ZNF660: variants seen among roughly 807,000 people sequenced by gnomAD.
ZNF660 encodes zinc finger protein 660.
In ZNF660, 24 loss-of-function variants were observed where a neutral mutation model predicts 23.2. The observed-to-expected ratio is 1.04, with a 90% confidence interval of 0.75 to 1.46. The LOEUF is 1.46. ZNF660 is among the 40% of genes most tolerant of loss of function. ZNF660 has a pLI of 0.00. For missense variants in ZNF660, 373 were observed against 396.8 expected (o/e 0.94, Z 0.51); for synonymous variants, 117 against 131.4 (o/e 0.89, Z 0.75).
chr3:44,588,050 C>T (rs544706682), intron 2 of ZNF660, among the ~76,000 whole-genome samples: 16 of 152,006 alleles, frequency 1.1e-4, no homozygotes, highest in Middle Eastern at 3.4e-3. Context: ...AGCGAAACTT[C>T]GTCTCAGAAA....
chr3:44,586,922 T>TAC (rs1271456487), intron 2 of ZNF660, among the ~76,000 whole-genome samples: 1 of 152,218 alleles, frequency 6.6e-6, no homozygotes, highest in Non-Finnish European at 1.5e-5. Context: ...GACACAGACA[T>TAC]ACACACAAGC....
chr3:44,588,896 A>G (rs1700323333), intron 2 of ZNF660, among the ~76,000 whole-genome samples: 1 of 152,198 alleles, frequency 6.6e-6, no homozygotes, highest in Admixed American at 6.5e-5. Flanking sequence ...CATCTTGCTT[A>G]GTGACACTAC....
Position 44,595,570 on chromosome 3 carries a change from A to G in ZNF660, c.*381A>G. On this transcript the variant is annotated 3_prime_UTR_variant, in exon 3 of 3. Coordinates refer to ENST00000322734, the MANE Select transcript of ZNF660 (RefSeq NM_173658.4). ...GAGAAGGAAGTAAACCAAAATGTTA[A>G]CAGTGATCATCTCTGGGCGATAGGA... 5.5e-6 allele frequency: 1 copy of G among 180,352 alleles called. No homozygotes were observed. Among genetic ancestry groups the G allele is most frequent in the Non-Finnish European group, 1.3e-5 (1 of 75,822 alleles). 11.2% of individuals were successfully genotyped at this position (180,352 alleles called of 1,614,324 possible).
rs748896817 is a variant in ZNF660 at position 44,594,319 on chromosome 3, A to C, written c.126A>C (p.Arg42Ser). 1.2e-6 allele frequency: 2 copies of C among 1,614,222 alleles called. No individual in the cohort carries two copies. Among genetic ancestry groups the C allele is most frequent in the South Asian group, 2.2e-5 (2 of 91,092 alleles). Reference sequence around the variant, plus strand: ...GCTGTGACCCTGCAACAAATGAGAGAGTTCAGGCTGAAAAGAGACAGTATG... The same window carrying C: ...GCTGTGACCCTGCAACAAATGAGAGCGTTCAGGCTGAAAAGAGACAGTATG... ...SQCCDPATNE[R>S]VQAEKRQYVC... is the part of the protein sequence containing the mutation. Residue 42 changes from arginine to serine, a missense_variant, in exon 3 of 3, where the codon AGA becomes AGC. Physicochemically the swap from Arg to Ser is moderately radical, Grantham distance 110. Coordinates refer to ENST00000322734, the MANE Select transcript of ZNF660 (RefSeq NM_173658.4).
chr3:44,594,833 G>A lies in ZNF660; in HGVS notation c.640G>A (p.Gly214Arg), dbSNP rs939940217. The A allele has an allele frequency of 6.2e-7, 1 of 1,614,160 alleles. No individual in the cohort carries two copies. The highest frequency in any genetic ancestry group is 8.5e-7 in the Non-Finnish European group (1 of 1,180,036). ...KIMDHQRIHT[G>R]EKPYECDECG... is the part of the protein sequence containing the mutation. ...TATGGACCATCAGAGAATTCACACT[G>A]GAGAGAAGCCTTATGAATGTGATGA... is the stretch of plus-strand genomic sequence containing the variant. Residue 214 changes from glycine to arginine, a missense_variant, in exon 3 of 3, where the codon GGA becomes AGA. Transcript: ENST00000322734.
chr3:44,596,868 GTCC>G lies in ZNF660; in HGVS notation c.*1684_*1686del, dbSNP rs1339853808. On this transcript the variant is annotated 3_prime_UTR_variant, in exon 3 of 3. Coordinates refer to ENST00000322734, the MANE Select transcript of ZNF660 (RefSeq NM_173658.4). ...CTTCCTCTGCCTTTCTTTATGACCA[GTCC>G]TCCTTGAAGGTCTTAGCCCATCTTC... is the stretch of plus-strand genomic sequence containing the variant. 1 of 152,180 alleles carries G rather than the reference GTCC, an allele frequency of 6.6e-6. No individual in the cohort carries two copies. Among genetic ancestry groups the G allele is most frequent in the Non-Finnish European group, 1.5e-5 (1 of 68,040 alleles). The allele number at this position is 152,180 out of a possible 1,614,324, so 9.4% of individuals were successfully genotyped here. A position where few individuals can be genotyped will look rare whatever the true frequency, so the allele number is the denominator to read the frequency against.
chr3:44,594,283 C>A lies in ZNF660; in HGVS notation c.90C>A (p.Asp30Glu). The change falls in exon 3 of 3, where the codon GAC (aspartate) becomes GAA (glutamate). Residue 30 changes from aspartate (D) to glutamate (E), a missense_variant. Coordinates refer to ENST00000322734, the MANE Select transcript of ZNF660 (RefSeq NM_173658.4). Reference protein sequence around the residue: ...TEGSDQESEKDNSQCCDPATN... With the variant: ...TEGSDQESEKENSQCCDPATN... ...GGAGTGACCAAGAATCTGAAAAAGACAATAGTCAGTGCTGTGACCCTGCAA... is the reference window on the plus strand; with the variant it reads ...GGAGTGACCAAGAATCTGAAAAAGAAAATAGTCAGTGCTGTGACCCTGCAA... The A allele has an allele frequency of 1.9e-6, 3 of 1,614,010 alleles. No individual in the cohort carries two copies. Among genetic ancestry groups the A allele is most frequent in the Non-Finnish European group, 2.5e-6 (3 of 1,180,020 alleles).
At chr3:44,591,199 G>A (rs181746148) in intron 2 of ZNF660, among the ~76,000 whole-genome samples, 16 of 152,260 alleles carry the variant, frequency 1.1e-4, no homozygotes, top group Admixed American at 9.8e-4. Flanking sequence ...CATAATCAGG[G>A]CTCACTGCAG....
rs187679990 is a variant in ZNF660, at chr3:44,588,377, G to A, written c.-181+2164G>A. Among the ~76,000 whole-genome samples the A allele has an allele frequency of 5.9e-5, 9 of 152,188 alleles. No individual in the cohort carries two copies. In the East Asian group the frequency reaches 1.7e-3, roughly 29 times the overall value. On this transcript the variant is annotated intron_variant, in intron 2 of 2. Transcript: ENST00000322734. ...CCATTCATGAGAAATCTACCCCCAC[G>A]ATCCAGTCACCTCCCAACAGGCCCA... is the stretch of plus-strand genomic sequence containing the variant.
rs1331025754 is a variant in ZNF660, at chr3:44,597,563, T to G, written c.*2374T>G. 3.3e-5 allele frequency: 5 copies of G among 152,202 alleles called. No homozygotes were observed. Among genetic ancestry groups the G allele is most frequent in the African/African-American group, 1.2e-4 (5 of 41,434 alleles). The allele number at this position is 152,202 out of a possible 1,614,324, so 9.4% of individuals were successfully genotyped here. ...TTGCATGGTCATTCCAAGCAGGGTT[T>G]GGAAGGCCTGGAACAGATTTGTAGC... is the stretch of plus-strand genomic sequence containing the variant. On this transcript the variant is annotated 3_prime_UTR_variant, in exon 3 of 3. Coordinates refer to ENST00000322734, the MANE Select transcript of ZNF660 (RefSeq NM_173658.4). This position sits in a 1 kb window ranked among gnomAD's most constrained non-coding sequence, Gnocchi z 4.1.
At chr3:44,589,952 C>G (rs1700358515) in intron 2 of ZNF660, among the ~76,000 whole-genome samples, 1 of 147,554 alleles carries the variant, frequency 6.8e-6, no homozygotes, top group Non-Finnish European at 1.5e-5. Context: ...GTATACCAAC[C>G]CTGTGCCTTT....
At position 44,594,080 on chromosome 3, in the gene ZNF660, A is replaced by T. The variant is rs1027821939; in HGVS notation, c.-114A>T. The T allele has an allele frequency of 2.3e-6, 3 of 1,300,804 alleles. No homozygotes were observed. Among genetic ancestry groups the T allele is most frequent in the East Asian group, 4.8e-5 (2 of 41,440 alleles). The allele number at this position is 1,300,804 out of a possible 1,614,324, so 80.6% of individuals were successfully genotyped here. A position where few individuals can be genotyped will look rare whatever the true frequency, so the allele number is the denominator to read the frequency against. ...CATTCCTGAAAAATCAGAATCATAC[A>T]TACTTTCAAGAGAATTCCACAGAGA... On this transcript the variant is annotated 5_prime_UTR_variant, in exon 3 of 3. Coordinates refer to ENST00000322734, the MANE Select transcript of ZNF660 (RefSeq NM_173658.4).
At position 44,592,754 on chromosome 3, in the gene ZNF660, A is replaced by G. The variant is rs904242526; in HGVS notation, c.-180-1260A>G. ...AAAAGCAGACAGACTACACTTGCAT[A>G]TAAAACTGGATCCAACTGGCTGGGC... On this transcript the variant is annotated intron_variant, in intron 2 of 2. Transcript: ENST00000322734. Among the ~76,000 whole-genome samples, 12 of 152,312 alleles carry G rather than the reference A, an allele frequency of 7.9e-5. No homozygotes were observed. In the South Asian group the frequency reaches 1.9e-3, roughly 24 times the overall value.
rs1185249042 is a variant in ZNF660 at position 44,594,850 on chromosome 3, A to C, written c.657A>C (p.Glu219Asp). 1 of 1,614,078 alleles carries C rather than the reference A, an allele frequency of 6.2e-7. No individual in the cohort carries two copies. The highest frequency in any genetic ancestry group is 8.5e-7 in the Non-Finnish European group (1 of 1,180,054). Residue 219 changes from glutamate (E) to aspartate (D), a missense_variant, in exon 3 of 3, where the codon GAA (glutamate) becomes GAC (aspartate). Physicochemically the swap from Glu to Asp is conservative, Grantham distance 45 (BLOSUM62 2). Coordinates refer to ENST00000322734, the MANE Select transcript of ZNF660 (RefSeq NM_173658.4). ...QRIHTGEKPY[E>D]CDECGKTFIL... ...TTCACACTGGAGAGAAGCCTTATGA[A>C]TGTGATGAGTGTGGAAAAACTTTCA...
rs775027699 is a variant in ZNF660 at position 44,595,145 on chromosome 3, A to G, written c.952A>G (p.Ile318Val). The G allele has an allele frequency of 1.9e-6, 3 of 1,600,048 alleles. No individual in the cohort carries two copies. Among genetic ancestry groups the G allele is most frequent in the African/African-American group, 1.3e-5 (1 of 74,110 alleles). The change falls in exon 3 of 3, where the codon ATT (isoleucine) becomes GTT (valine). Residue 318 changes from isoleucine to valine, a missense_variant. Transcript: ENST00000322734. ...AGCCTATCGGTATAGTTCACAGCTT[A>G]TTCAACACCAGAGGAAACATAATGA... ...GKAYRYSSQL[I>V]QHQRKHNEEK...
chr3:44,585,919 C>G (rs1248137565), intron 1 of ZNF660, among the ~76,000 whole-genome samples, 186 bp from the exon 2 acceptor site: 1 of 152,156 alleles, frequency 6.6e-6, no homozygotes, highest in Non-Finnish European at 1.5e-5. Context: ...CACTCACTAG[C>G]TATAGGACCT....
At chr3:44,591,719 G>T (rs1395657260) in intron 2 of ZNF660, among the ~76,000 whole-genome samples, 1 of 152,206 alleles carries the variant, frequency 6.6e-6, no homozygotes, top group African/African-American at 2.4e-5. Context: ...TGGAGGCTGG[G>T]CGCAGTGGTT....
At chr3:44,587,874 A>G (rs962340495) in intron 2 of ZNF660, among the ~76,000 whole-genome samples, 2 of 152,068 alleles carry the variant, frequency 1.3e-5, no homozygotes, top group African/African-American at 4.8e-5. Flanking sequence ...ACCAACATGG[A>G]GAAACCCCAT....
In ZNF660 at chr3:44,596,361, G is replaced by T. The variant is rs1700608776; in HGVS notation, c.*1172G>T. The stretch of plus-strand genomic sequence containing the variant: ...TAAGTGAGTAATGCATGAAATATAT[G>T]ATAAGCCAGACACGTGGTAAATGAT... On this transcript the variant is annotated 3_prime_UTR_variant, in exon 3 of 3. Transcript: ENST00000322734. The T allele has an allele frequency of 6.6e-6, 1 of 152,168 alleles. No homozygotes were observed. Among genetic ancestry groups the T allele is most frequent in the Non-Finnish European group, 1.5e-5 (1 of 68,026 alleles). The allele number at this position is 152,168 out of a possible 1,614,324, so 9.4% of individuals were successfully genotyped here.
Sources: allele counts gnomAD v4.1 joint callset (sites outside exome capture counted in the v4.1 genomes callset), GRCh38; gene constraint gnomAD v4.1.1; non-coding constraint Gnocchi (gnomAD v3.1); transcripts MANE v1.5; gene names NCBI Gene and HGNC (gene_info 2026-07-23, HGNC 2026-07-21).